CPEB4: variants seen among roughly 807,000 people sequenced by gnomAD.
The protein encoded by CPEB4 is cytoplasmic polyadenylation element binding protein 4, also known as cytoplasmic polyadenylation element-binding protein 4.
Under a neutral mutation model 72.5 loss-of-function variants are expected in CPEB4, and 12 were observed. The ratio of observed to expected loss-of-function variants is 0.17; its 90% confidence interval spans 0.11 to 0.27. CPEB4 has a LOEUF of 0.27. Among genes scored for constraint, CPEB4 ranks in the 10% least tolerant of loss-of-function variants. The probability of loss-of-function intolerance (pLI) is 1.00; values close to 1 mark genes in which losing one functional copy is unlikely to be tolerated. For synonymous variants in CPEB4, 302 were observed against 326.3 expected, an observed-to-expected ratio of 0.93 and a Z score of 0.80; for missense variants, 614 against 908.5, an observed-to-expected ratio of 0.68 and a Z score of 4.17.
chr5:173,939,035 C>T (rs1757731298), intron 3 of CPEB4, among the ~76,000 whole-genome samples: 1 of 152,196 alleles, frequency 6.6e-6, no homozygotes, highest in Admixed American at 6.5e-5. Context: ...TGCTTACAAT[C>T]CTAGCACTTG....
In CPEB4 at chr5:173,959,853, T is replaced by TTC. The variant is rs1481873110; in HGVS notation, c.*3717_*3718insCT. On this transcript the variant is annotated 3_prime_UTR_variant, in exon 10 of 10. Coordinates refer to ENST00000265085, the MANE Select transcript of CPEB4 (RefSeq NM_030627.4). Reference sequence around the variant, plus strand: ...TTTTTAAAATTTAAAGTATAATTAGTTTTTATAATTTTCATCAGATTTTTG... The same window carrying TTC: ...TTTTTAAAATTTAAAGTATAATTAGTTCTTTTATAATTTTCATCAGATTTTTG... 9.8e-5 allele frequency: 15 copies of TTC among 152,464 alleles called. No homozygotes were observed. Among genetic ancestry groups the TTC allele is most frequent in the African/African-American group, 3.4e-4 (14 of 41,568 alleles). 9.4% of individuals were successfully genotyped at this position (152,464 alleles called of 1,614,324 possible). A position where few individuals can be genotyped will look rare whatever the true frequency, so the allele number is the denominator to read the frequency against.
chr5:173,937,464 T>G (rs1381026514), intron 3 of CPEB4, among the ~76,000 whole-genome samples: 2 of 152,182 alleles, frequency 1.3e-5, no homozygotes, highest in African/African-American at 2.4e-5. Context: ...TGATGATCAC[T>G]TACTGAAAAT....
Position 173,958,080 on chromosome 5 carries a change from T to A in CPEB4, c.*1943T>A, listed in dbSNP as rs534774483. On this transcript the variant is annotated 3_prime_UTR_variant, in exon 10 of 10. Transcript: ENST00000265085. The stretch of plus-strand genomic sequence containing the variant: ...GCCTCTTTTTACTCTTTTAAATGCT[T>A]GTAGGTGGCTTGGGGTGTGCTATCG... 1 of 152,774 alleles carries A rather than the reference T, an allele frequency of 6.5e-6. No individual in the cohort carries two copies. The highest frequency in any genetic ancestry group is 2.4e-5 in the African/African-American group (1 of 41,448). 9.5% of individuals were successfully genotyped at this position (152,774 alleles called of 1,614,324 possible). A position where few individuals can be genotyped will look rare whatever the true frequency, so the allele number is the denominator to read the frequency against.
chr5:173,953,031 T>C lies in CPEB4; in HGVS notation c.1781-60T>C, dbSNP rs1758261728. The C allele has an allele frequency of 2.1e-6, 3 of 1,395,566 alleles. No homozygotes were observed. The East Asian group carries it at 6.9e-5, about 32-fold the overall frequency. The allele number at this position is 1,395,566 out of a possible 1,614,324, so 86.4% of individuals were successfully genotyped here. Reference sequence around the variant, plus strand: ...AGATGAATTGCTTTTGATGAAACGGTTGGTGAGCCAGATGAATTTTCCTGA... The same window carrying C: ...AGATGAATTGCTTTTGATGAAACGGCTGGTGAGCCAGATGAATTTTCCTGA... On this transcript the variant is annotated intron_variant, in intron 8 of 9. Coordinates refer to ENST00000265085, the MANE Select transcript of CPEB4 (RefSeq NM_030627.4).
At chr5:173,910,250 G>T (rs1756603023) in intron 1 of CPEB4, among the ~76,000 whole-genome samples, 2 of 152,058 alleles carry the variant, frequency 1.3e-5, no homozygotes, top group South Asian at 4.1e-4. Flanking sequence ...AACTAATACA[G>T]AAATTCGTTT....
chr5:173,947,573 C>A (rs1758069729), intron 5 of CPEB4, among the ~76,000 whole-genome samples: 1 of 151,738 alleles, frequency 6.6e-6, no homozygotes, highest in South Asian at 2.1e-4. Flanking sequence ...TTTCTCCCTG[C>A]AAAAAGAGAA....
intron 3 of CPEB4, among the ~76,000 whole-genome samples, chr5:173,941,515 A>G (rs1414181336): frequency 6.6e-6 from 1 of 152,216 alleles, no homozygotes; most frequent in East Asian, 1.9e-4. Context: ...TTTAGCATTT[A>G]TCTGGAAGAA....
Position 173,890,785 on chromosome 5 carries a change from C to G in CPEB4, c.1052C>G (p.Pro351Arg). 1.2e-6 allele frequency: 2 copies of G among 1,614,204 alleles called. No homozygotes were observed. Among genetic ancestry groups the G allele is most frequent in the Non-Finnish European group, 1.7e-6 (2 of 1,180,026 alleles). The stretch of plus-strand genomic sequence containing the variant: ...ATTCAGCTCCAGAAGTATGCTCGCC[C>G]CAGCTCTGCCTTTGCACCTAAATCC... ...NHIQLQKYAR[P>R]SSAFAPKSWM... is the part of the protein sequence containing the mutation. Residue 351 changes from proline (P) to arginine (R), a missense_variant, in exon 1 of 10, where the codon CCC becomes CGC. Pro to Arg is a moderately radical substitution (Grantham distance 103). This residue lies in a region of CPEB4 where 458 missense variants were observed against 548.6 expected (regional missense o/e 0.83). Transcript: ENST00000265085.
intron 2 of CPEB4, among the ~76,000 whole-genome samples, chr5:173,918,500 C>T (rs561410275): frequency 1.7e-4 from 26 of 151,986 alleles, no homozygotes; most frequent in Middle Eastern, 6.8e-3. Flanking sequence ...TTTTATAAGG[C>T]GGGGAGGGTA....
intron 5 of CPEB4, among the ~76,000 whole-genome samples, chr5:173,947,853 GA>G (rs928405786): frequency 6.6e-6 from 1 of 151,834 alleles, no homozygotes; most frequent in African/African-American, 2.4e-5. Flanking sequence ...AGTACATCTT[GA>G]AAAAAAATGA....
intron 1 of CPEB4, among the ~76,000 whole-genome samples, chr5:173,902,316 G>C (rs1561607328): frequency 6.6e-6 from 1 of 152,150 alleles, no homozygotes; most frequent in African/African-American, 2.4e-5. Flanking sequence ...TCTGAGAAAT[G>C]ATGATCACAG....
chr5:173,895,148 A>G (rs1755959181), intron 1 of CPEB4, among the ~76,000 whole-genome samples: 1 of 152,178 alleles, frequency 6.6e-6, no homozygotes, highest in African/African-American at 2.4e-5. Flanking sequence ...TCATGTGACT[A>G]CAGGCATGAT....
chr5:173,950,695 G>A lies in CPEB4; in HGVS notation c.1665+617G>A, dbSNP rs1758188532. ...AATAGCAGAATCAACTCTGAATAACGGAACTCAAATCACAAATACTATGTG... is the reference window on the plus strand; with the variant it reads ...AATAGCAGAATCAACTCTGAATAACAGAACTCAAATCACAAATACTATGTG... On this transcript the variant is annotated intron_variant, in intron 7 of 9. Coordinates refer to ENST00000265085, the MANE Select transcript of CPEB4 (RefSeq NM_030627.4). This position sits in a 1 kb window ranked among gnomAD's most constrained non-coding sequence, Gnocchi z 5.0. Among the ~76,000 whole-genome samples the A allele has an allele frequency of 1.3e-5, 2 of 151,938 alleles. No individual in the cohort carries two copies. Among genetic ancestry groups the A allele is most frequent in the African/African-American group, 4.8e-5 (2 of 41,356 alleles).
intron 2 of CPEB4, among the ~76,000 whole-genome samples, chr5:173,917,650 T>G (rs957329175): frequency 2.0e-5 from 3 of 152,198 alleles, no homozygotes; most frequent in African/African-American, 7.2e-5. Flanking sequence ...CGCTTGAACC[T>G]GGCAGGCGGA....
intron 4 of CPEB4, 79 bp from the exon 5 acceptor site, chr5:173,944,888 T>C (rs1757963354): frequency 8.3e-7 from 1 of 1,210,006 alleles, no homozygotes; most frequent in Non-Finnish European, 1.2e-6. Flanking sequence ...TTGAATCTGC[T>C]GTTTCCTTGT....
intron 4 of CPEB4, among the ~76,000 whole-genome samples, chr5:173,944,560 A>G (rs1407309718): frequency 6.6e-6 from 1 of 151,996 alleles, no homozygotes; most frequent in Non-Finnish European, 1.5e-5. Flanking sequence ...TGATTTTTTT[A>G]AAGAAATGTA....
intron 3 of CPEB4, among the ~76,000 whole-genome samples, chr5:173,935,163 C>T (rs930215805): frequency 1.3e-5 from 2 of 152,050 alleles, no homozygotes; most frequent in Non-Finnish European, 2.9e-5. Flanking sequence ...AGGAATTAAT[C>T]TCATTCATGT....
chr5:173,948,768 C>T (rs1310341945), intron 5 of CPEB4, among the ~76,000 whole-genome samples: 1 of 152,092 alleles, frequency 6.6e-6, no homozygotes, highest in Non-Finnish European at 1.5e-5. Context: ...TGAGGGCCTG[C>T]TTCCTAATAG....
chr5:173,904,643 TA>T (rs1756359428), intron 1 of CPEB4, among the ~76,000 whole-genome samples: 1 of 152,168 alleles, frequency 6.6e-6, no homozygotes, highest in Non-Finnish European at 1.5e-5. Context: ...ATGTATGTCT[TA>T]ATTAGTATGG....
Sources: allele counts gnomAD v4.1 joint callset (sites outside exome capture counted in the v4.1 genomes callset), GRCh38; gene constraint gnomAD v4.1.1; regional missense constraint gnomAD v4.1.1; non-coding constraint Gnocchi (gnomAD v3.1); transcripts MANE v1.5; gene names NCBI Gene and HGNC (gene_info 2026-07-23, HGNC 2026-07-21).